The following XPO6 variants were observed in gnomAD, a reference collection of about 807,000 sequenced individuals.
XPO6 encodes the protein exportin-6.
XPO6 carries 3 observed loss-of-function variants against 130.0 expected under a neutral mutation model. The observed-to-expected ratio is 0.02, with a 90% confidence interval of 0.01 to 0.06. The LOEUF (loss-of-function observed/expected upper bound fraction) is 0.06, where lower values mean the gene tolerates loss of function less well. Among genes scored for constraint, XPO6 ranks in the 10% least tolerant of loss-of-function variants. The probability of loss-of-function intolerance (pLI) is 1.00; values close to 1 mark genes in which losing one functional copy is unlikely to be tolerated. For missense variants in XPO6, 970 were observed against 1,393.0 expected, an observed-to-expected ratio of 0.70 and a Z score of 4.83; for synonymous variants, 524 against 548.9, an observed-to-expected ratio of 0.95 and a Z score of 0.63.
intron 1 of XPO6, among the ~76,000 whole-genome samples, chr16:28,204,417 C>A (rs2043997622): frequency 6.6e-6 from 1 of 151,780 alleles, no homozygotes; most frequent in African/African-American, 2.4e-5. Context: ...TCAGGGAGAG[C>A]ACGGTCCAAG....
chr16:28,208,404 G>A (rs1031054122), intron 1 of XPO6, among the ~76,000 whole-genome samples: 2 of 152,202 alleles, frequency 1.3e-5, no homozygotes, highest in Non-Finnish European at 2.9e-5. Context: ...CCCTCCGCCT[G>A]TAAGACACCA....
chr16:28,194,056 T>A (rs2043823260), intron 1 of XPO6, among the ~76,000 whole-genome samples: 1 of 152,092 alleles, frequency 6.6e-6, no homozygotes, highest in Non-Finnish European at 1.5e-5. Flanking sequence ...CTGAGCAAAT[T>A]ACCTAACCTC....
intron 1 of XPO6, among the ~76,000 whole-genome samples, chr16:28,211,090 T>G (rs757181622): frequency 6.6e-6 from 1 of 152,074 alleles, no homozygotes; most frequent in Non-Finnish European, 1.5e-5. Flanking sequence ...CAATAAACGA[T>G]AGTTATTATC....
At chr16:28,142,262 T>C (rs143476698) in intron 9 of XPO6, among the ~76,000 whole-genome samples, 1,814 of 152,338 alleles carry the variant, frequency 0.012, 20 homozygotes, top group Non-Finnish European at 0.02. Flanking sequence ...TGCATGCTCT[T>C]AGTTAACATA....
At chr16:28,184,111 A>G (rs187282258) in intron 1 of XPO6, among the ~76,000 whole-genome samples, 15 of 152,344 alleles carry the variant, frequency 9.8e-5, no homozygotes, top group Admixed American at 2.6e-4. Flanking sequence ...CTCCAAGCAG[A>G]TTACACTTTC....
intron 15 of XPO6, 169 bp downstream of exon 15, chr16:28,117,149 G>A (rs547036920): frequency 1.2e-6 from 1 of 807,002 alleles, no homozygotes; most frequent in East Asian, 2.6e-5. Flanking sequence ...GTATCTGAAT[G>A]CATGTAGGCT....
chr16:28,186,530 C>A (rs2043698534), intron 1 of XPO6, among the ~76,000 whole-genome samples: 1 of 151,916 alleles, frequency 6.6e-6, no homozygotes, highest in Non-Finnish European at 1.5e-5. Context: ...GCCACCACAT[C>A]TGGCTTTTAT....
In XPO6 at chr16:28,098,612, G is replaced by A; in HGVS notation, c.3304C>T (p.His1102Tyr). Residue 1102 changes from histidine to tyrosine, a missense_variant, in exon 24 of 24, where the codon CAC (histidine) becomes TAC (tyrosine). Physicochemically the swap from His to Tyr is moderately conservative, Grantham distance 83 (BLOSUM62 2). Coordinates refer to ENST00000304658, the MANE Select transcript of XPO6 (RefSeq NM_015171.4). ...RDLPSFTQNVHRLVNDLRYYR... is the reference protein window; with the variant it reads ...RDLPSFTQNVYRLVNDLRYYR... ...TAGCGCAGGTCGTTGACCAGCCTGT[G>A]CACATTCTGGGTGAATGAGGGCAGG... 6.2e-7 allele frequency: 1 copy of A among 1,612,336 alleles called. No homozygotes were observed. The highest frequency in any genetic ancestry group is 8.5e-7 in the Non-Finnish European group (1 of 1,178,918).
At chr16:28,141,430 T>C (rs1330498756) in intron 9 of XPO6, among the ~76,000 whole-genome samples, 1 of 152,206 alleles carries the variant, frequency 6.6e-6, no homozygotes, top group Non-Finnish European at 1.5e-5. Flanking sequence ...GCTGAGCACC[T>C]ACTGTCAGCC....
At chr16:28,155,909 C>G in intron 7 of XPO6, 165 bp downstream of exon 7, 1 of 1,401,800 alleles carries the variant, frequency 7.1e-7, no homozygotes, top group Non-Finnish European at 9.3e-7. Flanking sequence ...CACCCAAGCC[C>G]TTCCAGCTAA....
At chr16:28,210,514 A>C (rs1158140845) in intron 1 of XPO6, among the ~76,000 whole-genome samples, 1 of 152,252 alleles carries the variant, frequency 6.6e-6, no homozygotes, top group Non-Finnish European at 1.5e-5. Flanking sequence ...GTATACCGCA[A>C]TAGACAGATA....
At chr16:28,130,500 T>A (rs1014003701) in intron 12 of XPO6, among the ~76,000 whole-genome samples, 1 of 152,150 alleles carries the variant, frequency 6.6e-6, no homozygotes, top group Non-Finnish European at 1.5e-5. Flanking sequence ...TTCCATTTGT[T>A]AATAGCCTTT....
intron 9 of XPO6, among the ~76,000 whole-genome samples, chr16:28,140,693 A>ATTT (rs71140948): frequency 1.4e-5 from 2 of 147,680 alleles, no homozygotes; most frequent in African/African-American, 5.0e-5. Context: ...AAAAAAAAAA[A>ATTT]TTTTTTTTGA....
intron 1 of XPO6, among the ~76,000 whole-genome samples, chr16:28,199,741 C>T (rs531850053): frequency 6.6e-6 from 1 of 152,030 alleles, no homozygotes; most frequent in South Asian, 2.1e-4. Flanking sequence ...TAATGGGTTT[C>T]ACTTATGTTG....
In XPO6 at chr16:28,106,024, G is replaced by C; in HGVS notation, c.2784+19C>G. 6.2e-7 allele frequency: 1 copy of C among 1,607,410 alleles called. No individual in the cohort carries two copies. Among genetic ancestry groups the C allele is most frequent in the South Asian group, 1.1e-5 (1 of 90,998 alleles). ...CTGGAGATGGGGGGTGCTGCACAGG[G>C]GACCGTCTGAGCCCCTACCTCGGCA... On this transcript the variant is annotated intron_variant, in intron 20 of 23. Transcript: ENST00000304658. The surrounding 1 kb of genome is among the most constrained non-coding windows in gnomAD (Gnocchi z 4.2).
At chr16:28,155,008 A>G (rs1416077193) in intron 7 of XPO6, among the ~76,000 whole-genome samples, 1 of 152,224 alleles carries the variant, frequency 6.6e-6, no homozygotes, top group African/African-American at 2.4e-5. Context: ...TATACAGAGC[A>G]AACATCACGG....
chr16:28,139,404 T>C (rs929694057), intron 9 of XPO6, among the ~76,000 whole-genome samples: 1 of 152,216 alleles, frequency 6.6e-6, no homozygotes, highest in African/African-American at 2.4e-5. Context: ...TTTGTTATGG[T>C]AGCCCAATCT....
chr16:28,210,573 G>A (rs1353929549), intron 1 of XPO6, among the ~76,000 whole-genome samples: 1 of 152,232 alleles, frequency 6.6e-6, no homozygotes, highest in African/African-American at 2.4e-5. Flanking sequence ...TTAACAAAGA[G>A]ATGTGGGTAC....
At chr16:28,122,952 G>A (rs1481157257) in intron 13 of XPO6, among the ~76,000 whole-genome samples, 1 of 152,076 alleles carries the variant, frequency 6.6e-6, no homozygotes, top group Non-Finnish European at 1.5e-5. Flanking sequence ...GGTGTTTTAT[G>A]TTCAAGTACA....
Sources: allele counts gnomAD v4.1 joint callset (sites outside exome capture counted in the v4.1 genomes callset), GRCh38; gene constraint gnomAD v4.1.1; non-coding constraint Gnocchi (gnomAD v3.1); transcripts MANE v1.5; gene names NCBI Gene and HGNC (gene_info 2026-07-23, HGNC 2026-07-21).